PCDHGB4: variants seen among roughly 807,000 people sequenced by gnomAD.
PCDHGB4 encodes the protein protocadherin gamma subfamily B, 4, also known as protocadherin gamma-B4.
Under a neutral mutation model 60.5 loss-of-function variants are expected in PCDHGB4, and 38 were observed. The ratio of observed to expected loss-of-function variants is 0.63; its 90% CI spans 0.48 to 0.82. The LOEUF is 0.82. PCDHGB4 is among the 40% of genes least tolerant of loss of function. The pLI is 0.00. For synonymous variants in PCDHGB4, 456 were observed against 509.7 expected, an observed-to-expected ratio of 0.89 and a Z score of 1.42; for missense variants, 1,109 against 1,209.6, an observed-to-expected ratio of 0.92 and a Z score of 1.23.
intron 1 of PCDHGB4, chr5:141,397,868 A>T (rs1331188362): frequency 1.4e-5 from 8 of 573,128 alleles, no homozygotes; most frequent in Non-Finnish European, 2.1e-5. Context: ...CCTAGTGCTG[A>T]CTCTGGGCGC....
Position 141,404,436 on chromosome 5 carries a change from C to T in PCDHGB4, c.2397+14155C>T. On this transcript the variant is annotated intron_variant, in intron 1 of 3. Transcript: ENST00000519479. Reference sequence around the variant, plus strand: ...GTTATTTACTCCTTGGCAGAGGATACCATCCAAGGGTCTCCTCTCTCCACC... The same window carrying T: ...GTTATTTACTCCTTGGCAGAGGATATCATCCAAGGGTCTCCTCTCTCCACC... 1.9e-6 allele frequency: 3 copies of T among 1,612,706 alleles called. No individual in the cohort carries two copies. In the East Asian group the frequency reaches 6.7e-5, roughly 36 times the overall value.
At chr5:141,414,396 A>G in intron 1 of PCDHGB4, 1 of 1,613,884 alleles carries the variant, frequency 6.2e-7, no homozygotes, top group Non-Finnish European at 8.5e-7. Flanking sequence ...GTTATTACAG[A>G]TTGGTGATAC....
intron 1 of PCDHGB4, among the ~76,000 whole-genome samples, chr5:141,472,889 G>A (rs1163806093): frequency 6.6e-6 from 1 of 151,392 alleles, no homozygotes; most frequent in Non-Finnish European, 1.5e-5. Context: ...GGGAGGCTGA[G>A]GCAGGAGAAT....
intron 1 of PCDHGB4, chr5:141,415,325 C>T (rs1046074461): frequency 2.2e-5 from 35 of 1,614,212 alleles, no homozygotes; most frequent in East Asian, 6.7e-5. Context: ...GTGCTGCTGG[C>T]GCACAGGCTG....
intron 1 of PCDHGB4, among the ~76,000 whole-genome samples, chr5:141,469,864 C>T (rs963843852): frequency 6.6e-6 from 1 of 152,218 alleles, no homozygotes; most frequent in African/African-American, 2.4e-5. Flanking sequence ...GGTGCAATGG[C>T]TCACGCCTGT....
intron 1 of PCDHGB4, chr5:141,421,725 C>T: frequency 6.2e-7 from 1 of 1,613,960 alleles, no homozygotes; most frequent in Non-Finnish European, 8.5e-7. Context: ...TGGGCGTGAA[C>T]TCCCTCCAGA....
chr5:141,389,142 G>C lies in PCDHGB4; in HGVS notation c.1258G>C (p.Val420Leu), dbSNP rs72790030. The change falls in exon 1 of 4, where the codon GTT (valine) becomes CTT (leucine). Residue 420 changes from valine (V) to leucine (L), a missense_variant. By Grantham distance (32) the Val-to-Leu change is conservative (BLOSUM62 1). Around this residue, in one of 2 missense-constraint regions of PCDHGB4, gnomAD observed 1,068 missense variants for 1,089.9 expected, o/e 0.98. Coordinates refer to ENST00000519479, the MANE Select transcript of PCDHGB4 (RefSeq NM_003736.4). The stretch of plus-strand genomic sequence containing the variant: ...GCAGAATCCAGAGTACAATATAACC[G>C]TTACGGCAACAGATCGGGGCAAGCC... ...REQNPEYNIT[V>L]TATDRGKPPL... is the part of the protein sequence containing the mutation. 4 of 1,613,970 alleles carry C rather than the reference G, an allele frequency of 2.5e-6. No homozygotes were observed. Among genetic ancestry groups the C allele is most frequent in the African/African-American group, 2.7e-5 (2 of 75,050 alleles).
intron 1 of PCDHGB4, chr5:141,395,188 T>C (rs1188356077): frequency 6.2e-7 from 1 of 1,614,128 alleles, no homozygotes; most frequent in East Asian, 2.2e-5. Flanking sequence ...GATTCTTTGT[T>C]AACATCCGTA....
At chr5:141,433,257 G>A (rs764036349) in intron 1 of PCDHGB4, 4 of 1,385,412 alleles carry the variant, frequency 2.9e-6, no homozygotes, top group Non-Finnish European at 4.0e-6. Context: ...GCAGCGGTAC[G>A]ATCATAGCTC....
At chr5:141,415,397 G>T (rs1168654728) in intron 1 of PCDHGB4, 1 of 1,614,124 alleles carries the variant, frequency 6.2e-7, no homozygotes, top group African/African-American at 1.3e-5. Context: ...GGTGTGTCCG[G>T]CTCGCACTTT....
Position 141,489,120 on chromosome 5 carries a change from G to T in PCDHGB4, c.2398-5687G>T. On this transcript the variant is annotated intron_variant, in intron 1 of 3. Coordinates refer to ENST00000519479, the MANE Select transcript of PCDHGB4 (RefSeq NM_003736.4). The surrounding 1 kb of genome is among the most constrained non-coding windows in gnomAD (Gnocchi z 4.5). Reference sequence around the variant, plus strand: ...AACTGCTGCAAGCAGGCAAACCTCCGAGCAGTTTTTAAGAGGCTGGAAGGA... The same window carrying T: ...AACTGCTGCAAGCAGGCAAACCTCCTAGCAGTTTTTAAGAGGCTGGAAGGA... 2.2e-6 allele frequency: 1 copy of T among 445,672 alleles called. No individual in the cohort carries two copies. The highest frequency in any genetic ancestry group is 3.8e-6 in the Non-Finnish European group (1 of 264,754). The allele number at this position is 445,672 out of a possible 1,614,324, so 27.6% of individuals were successfully genotyped here.
intron 3 of PCDHGB4, among the ~76,000 whole-genome samples, chr5:141,506,879 G>T (rs958969109): frequency 6.6e-6 from 1 of 152,172 alleles, no homozygotes; most frequent in Non-Finnish European, 1.5e-5. Flanking sequence ...AGAACCAGGT[G>T]AAATCACAAG....
intron 1 of PCDHGB4, among the ~76,000 whole-genome samples, chr5:141,467,047 A>G (rs1271306217): frequency 1.3e-5 from 2 of 149,986 alleles, no homozygotes; most frequent in East Asian, 3.9e-4. Context: ...GTAATGAATC[A>G]ATGTTTTCTT....
At chr5:141,482,675 A>G (rs1258898440) in intron 1 of PCDHGB4, among the ~76,000 whole-genome samples, 1 of 149,114 alleles carries the variant, frequency 6.7e-6, no homozygotes, top group African/African-American at 2.5e-5. Context: ...AAGGTTGAGT[A>G]GTAGCTTGTC....
Position 141,491,057 on chromosome 5 carries a change from CCTA to C in PCDHGB4, c.2398-3747_2398-3745del. On this transcript the variant is annotated intron_variant, in intron 1 of 3. Coordinates refer to ENST00000519479, the MANE Select transcript of PCDHGB4 (RefSeq NM_003736.4). The surrounding 1 kb of genome is among the most constrained non-coding windows in gnomAD (Gnocchi z 6.9). ...GATGCAGGCCACAATGCGTGGCTCTCCTACTCACTGTTGCCACAGTCCACAGCC... is the reference window on the plus strand; with the variant it reads ...GATGCAGGCCACAATGCGTGGCTCTCCTCACTGTTGCCACAGTCCACAGCC... 6.2e-7 allele frequency: 1 copy of C among 1,614,208 alleles called. No homozygotes were observed. The highest frequency in any genetic ancestry group is 8.5e-7 in the Non-Finnish European group (1 of 1,180,022).
At chr5:141,498,361 T>C (rs1256361883) in intron 2 of PCDHGB4, among the ~76,000 whole-genome samples, 1 of 151,460 alleles carries the variant, frequency 6.6e-6, no homozygotes, top group African/African-American at 2.4e-5. Flanking sequence ...GCAAAAGCCT[T>C]GTGGTGAGGC....
chr5:141,424,134 A>G (rs1255504512), intron 1 of PCDHGB4: 7 of 444,220 alleles, frequency 1.6e-5, no homozygotes, highest in Non-Finnish European at 2.2e-5. Context: ...TTGATTTAAT[A>G]GCATGCTCCC....
intron 1 of PCDHGB4, chr5:141,408,715 G>T: frequency 1.9e-6 from 3 of 1,612,078 alleles, no homozygotes; most frequent in Non-Finnish European, 2.5e-6. Flanking sequence ...AAGATTATAA[G>T]ATAAACTCTA....
intron 1 of PCDHGB4, chr5:141,415,504 C>G (rs1444248720): frequency 1.2e-6 from 2 of 1,614,216 alleles, no homozygotes; most frequent in South Asian, 2.2e-5. Flanking sequence ...CTTCCCCCAG[C>G]CCAATTATGC....
Sources: allele counts gnomAD v4.1 joint callset (sites outside exome capture counted in the v4.1 genomes callset), GRCh38; gene constraint gnomAD v4.1.1; regional missense constraint gnomAD v4.1.1; non-coding constraint Gnocchi (gnomAD v3.1); transcripts MANE v1.5; gene names NCBI Gene and HGNC (gene_info 2026-07-23, HGNC 2026-07-21).